NOS2: variants seen among roughly 807,000 people sequenced by gnomAD.
The protein encoded by NOS2 is nitric oxide synthase, inducible.
Under a neutral mutation model 136.0 loss-of-function variants are expected in NOS2, and 96 were observed. That is an observed-to-expected ratio of 0.71 (90% CI 0.60 to 0.84). The LOEUF (loss-of-function observed/expected upper bound fraction) is 0.84. Among genes scored for constraint, NOS2 ranks in the 40% least tolerant of loss-of-function variants. NOS2 has a pLI of 0.00. For synonymous variants in NOS2, 539 were observed against 587.5 expected, an observed-to-expected ratio of 0.92 and a Z score of 1.20; for missense variants, 1,237 against 1,496.9, an observed-to-expected ratio of 0.83 and a Z score of 2.87.
At chr17:27,775,381 T>G (rs1908627395) in intron 11 of NOS2, among the ~76,000 whole-genome samples, 1 of 152,150 alleles carries the variant, frequency 6.6e-6, no homozygotes, top group African/African-American at 2.4e-5. Flanking sequence ...GGAGATCACC[T>G]GAGGTCGGGA....
Position 27,774,334 on chromosome 17 carries a change from G to A in NOS2, c.1399C>T (p.Pro467Ser). 6.3e-7 allele frequency: 1 copy of A among 1,586,494 alleles called. No homozygotes were observed. The highest frequency in any genetic ancestry group is 8.6e-7 in the Non-Finnish European group (1 of 1,166,678). ...CPADWIWLVP[P>S]MSGSITPVFH... is the part of the protein sequence containing the mutation. ...ACGGGGGTGATGCTCCCAGACATGG[G>A]AGGGACCAGCCAAATCCAGTCTGCC... Residue 467 changes from proline to serine, a missense_variant, in exon 12 of 27, where the codon CCC becomes TCC. By Grantham distance (74) the Pro-to-Ser change is moderately conservative. This residue lies in a region of NOS2 where 782 missense variants were observed against 909.9 expected (regional missense o/e 0.86). Transcript: ENST00000313735.
intron 3 of NOS2, among the ~76,000 whole-genome samples, 168 bp downstream of exon 3, chr17:27,789,436 C>T (rs1011906297): frequency 2.0e-5 from 3 of 152,200 alleles, no homozygotes; most frequent in Non-Finnish European, 4.4e-5. Context: ...TCCCAAAGCC[C>T]TTCCTCATTC....
In NOS2 at chr17:27,774,292, G is replaced by T; in HGVS notation, c.1441C>A (p.Leu481Met). The T allele has an allele frequency of 6.5e-7, 1 of 1,548,662 alleles. No individual in the cohort carries two copies. Among genetic ancestry groups the T allele is most frequent in the Non-Finnish European group, 8.7e-7 (1 of 1,149,620 alleles). Reference protein sequence around the residue: ...SITPVFHQEMLNYVLSPFYYY... With the variant: ...SITPVFHQEMMNYVLSPFYYY... ...TAGAAAGGGGACAGGACGTAGTTCA[G>T]CATCTCCTGGTGAAACACGGGGGTG... Residue 481 changes from leucine to methionine, a missense_variant, in exon 12 of 27, where the codon CTG (leucine) becomes ATG (methionine). Physicochemically the swap from Leu to Met is conservative, Grantham distance 15. Around this residue, in one of 3 missense-constraint regions of NOS2, gnomAD observed 782 missense variants for 909.9 expected, o/e 0.86. Coordinates refer to ENST00000313735, the MANE Select transcript of NOS2 (RefSeq NM_000625.4).
At chr17:27,789,040 C>A in intron 3 of NOS2, 109 bp from the exon 4 acceptor site, 2 of 1,366,766 alleles carry the variant, frequency 1.5e-6, no homozygotes, top group Non-Finnish European at 2.0e-6. Flanking sequence ...GGCAGGGTGT[C>A]CCTCCACGTC....
At chr17:27,766,750 A>G (rs139295558) in intron 18 of NOS2, among the ~76,000 whole-genome samples, 162 bp from the exon 19 acceptor site, 141 of 152,280 alleles carry the variant, frequency 9.3e-4, no homozygotes, top group African/African-American at 3.2e-3. Flanking sequence ...TCCACAAATA[A>G]AGATCCTTGG....
In NOS2 at chr17:27,788,805, T is replaced by C; in HGVS notation, c.318+4A>G. On this transcript the variant is annotated splice_donor_region_variant and intron_variant, in intron 4 of 26. Coordinates refer to ENST00000313735, the MANE Select transcript of NOS2 (RefSeq NM_000625.4). ...GGTGGTTCTCCCTGAAGCCCCAGAC[T>C]TACCCCTTTGGCCTTATGGTGAAGT... 1.2e-6 allele frequency: 2 copies of C among 1,613,204 alleles called. No individual in the cohort carries two copies. Among genetic ancestry groups the C allele is most frequent in the East Asian group, 2.2e-5 (1 of 44,862 alleles).
chr17:27,792,996 G>A (rs1400358226), intron 2 of NOS2, among the ~76,000 whole-genome samples: 2 of 151,806 alleles, frequency 1.3e-5, no homozygotes, highest in African/African-American at 2.4e-5. Context: ...AAAAGGGGTC[G>A]GGGGCGTGGG....
chr17:27,776,091 G>C (rs1360547545), intron 11 of NOS2, among the ~76,000 whole-genome samples: 1 of 152,158 alleles, frequency 6.6e-6, no homozygotes, highest in East Asian at 1.9e-4. Context: ...CAGAGGCCCA[G>C]GGTGAGTTGG....
intron 5 of NOS2, among the ~76,000 whole-genome samples, chr17:27,785,941 G>A (rs927337327): frequency 4.2e-4 from 46 of 109,920 alleles, no homozygotes; most frequent in African/African-American, 1.5e-3. Flanking sequence ...CTGGGAGACA[G>A]AGCAAGACCG....
chr17:27,778,186 C>T (rs921081242), intron 11 of NOS2, among the ~76,000 whole-genome samples: 1 of 151,872 alleles, frequency 6.6e-6, no homozygotes, highest in African/African-American at 2.4e-5. Context: ...TTTTACATGG[C>T]ACGGTCAGGG....
intron 7 of NOS2, 150 bp downstream of exon 7, chr17:27,781,865 C>A (rs1430288355): frequency 7.2e-6 from 5 of 691,314 alleles, no homozygotes; most frequent in Non-Finnish European, 1.0e-5. Context: ...ACTGGAAGTC[C>A]CCGAAGAAGC....
rs370325677 is a variant in NOS2, at chr17:27,793,068, G to A, written c.111-3380C>T. Reference sequence around the variant, plus strand: ...ACTTTCTACAAGCCCTTGACCAGCCGAGCCGGTCACAGCTGCAGACTGTGG... The same window carrying A: ...ACTTTCTACAAGCCCTTGACCAGCCAAGCCGGTCACAGCTGCAGACTGTGG... On this transcript the variant is annotated intron_variant, in intron 2 of 26. Coordinates refer to ENST00000313735, the MANE Select transcript of NOS2 (RefSeq NM_000625.4). Among the ~76,000 whole-genome samples the A allele has an allele frequency of 3.9e-5, 6 of 152,034 alleles. No individual in the cohort carries two copies. The East Asian group carries it at 7.8e-4, about 20-fold the overall frequency.
chr17:27,759,901 G>A, intron 25 of NOS2, 129 bp downstream of exon 25: 2 of 844,384 alleles, frequency 2.4e-6, no homozygotes, highest in South Asian at 4.2e-5. Context: ...TCACTCTGAT[G>A]GTTGTGAATT....
intron 11 of NOS2, 50 bp downstream of exon 11, chr17:27,778,640 G>T: frequency 6.9e-7 from 1 of 1,445,420 alleles, no homozygotes; most frequent in Non-Finnish European, 9.7e-7. Context: ...CACTGGATCA[G>T]TTAAGCTTCT....
chr17:27,760,215 A>C, intron 24 of NOS2, 37 bp from the exon 25 acceptor site: 2 of 1,506,894 alleles, frequency 1.3e-6, no homozygotes, highest in Non-Finnish European at 1.8e-6. Context: ...CATGTTGGCC[A>C]CCAGAGGGCG....
intron 11 of NOS2, among the ~76,000 whole-genome samples, chr17:27,777,260 C>T (rs28999387): frequency 0.19 from 29,307 of 152,242 alleles, 2,914 homozygotes; most frequent in Middle Eastern, 0.25. Flanking sequence ...GAGTAAAACA[C>T]TGCTGAATGA....
chr17:27,781,867 C>T (rs567431559), intron 7 of NOS2, 148 bp downstream of exon 7: 8 of 702,104 alleles, frequency 1.1e-5, no homozygotes, highest in African/African-American at 3.5e-5. Flanking sequence ...TGGAAGTCCC[C>T]GAAGAAGCCT....
At chr17:27,767,303 C>T (rs1239952454) in intron 18 of NOS2, among the ~76,000 whole-genome samples, 1 of 152,236 alleles carries the variant, frequency 6.6e-6, no homozygotes, top group Non-Finnish European at 1.5e-5. Context: ...TGGCTGCCTT[C>T]GCAGCTGGAA....
chr17:27,775,173 A>G (rs972131700), intron 11 of NOS2, among the ~76,000 whole-genome samples: 2 of 152,218 alleles, frequency 1.3e-5, no homozygotes, highest in Admixed American at 6.5e-5. Flanking sequence ...ATGAATTCCT[A>G]TAATGGCCAG....
Sources: gnomAD v4.1 joint callset for allele counts (sites outside exome capture counted in the v4.1 genomes callset) on GRCh38, gnomAD v4.1.1 for gene constraint, gnomAD v4.1.1 regional missense constraint, MANE v1.5 for transcripts, NCBI Gene and HGNC (gene_info 2026-07-23, HGNC 2026-07-21) for gene names.